The following ICAM3 variants were observed in gnomAD, a reference collection of about 807,000 sequenced individuals.
The protein encoded by ICAM3 is intercellular adhesion molecule 3, also known as ICAM-3.
In ICAM3, 54 loss-of-function variants were observed where a neutral mutation model predicts 43.6. The ratio of observed to expected loss-of-function variants is 1.24; its 90% CI spans 0.99 to 1.55. The LOEUF is 1.55. Among genes scored for constraint, ICAM3 ranks in the 40% most tolerant of loss-of-function variants. ICAM3 has a pLI of 0.00. For synonymous variants in ICAM3, 306 were observed against 312.6 expected, an observed-to-expected ratio of 0.98 and a Z score of 0.22; for missense variants, 715 against 717.9, an observed-to-expected ratio of 1.00 and a Z score of 0.05.
At chr19:10,339,066 A>T (rs751533826) in intron 1 of ICAM3, 118 bp from the exon 2 acceptor site, 3 of 1,105,886 alleles carry the variant, frequency 2.7e-6, no homozygotes, top group Non-Finnish European at 3.9e-6. Context: ...TCCTGCCTTC[A>T]TGGTCCAGTG....
chr19:10,335,477 G>A (rs2040586384), intron 3 of ICAM3, 124 bp from the exon 4 acceptor site: 1 of 1,135,030 alleles, frequency 8.8e-7, no homozygotes, highest in Non-Finnish European at 1.2e-6. Flanking sequence ...CACACACAGG[G>A]CCATGAAAAC....
At chr19:10,336,070 A>T in intron 2 of ICAM3, 94 bp from the exon 3 acceptor site, 1 of 1,172,652 alleles carries the variant, frequency 8.5e-7, no homozygotes, top group Non-Finnish European at 1.2e-6. Context: ...TCCTGCCGAG[A>T]ACTGTGAGCT....
At chr19:10,337,834 C>A (rs1295661252) in intron 2 of ICAM3, among the ~76,000 whole-genome samples, 1 of 152,112 alleles carries the variant, frequency 6.6e-6, no homozygotes, top group East Asian at 1.9e-4. Flanking sequence ...CCCTATATTG[C>A]TCTGCCTGGT....
Position 10,334,068 on chromosome 19 carries a change from A to G in ICAM3, c.1442-9T>C. Reference sequence around the variant, plus strand: ...AAAGTGGGAGCTCCCAGCTGTGCAGAGAAAGCGCTAAGTCAATATGCGTCC... The same window carrying G: ...AAAGTGGGAGCTCCCAGCTGTGCAGGGAAAGCGCTAAGTCAATATGCGTCC... On this transcript the variant is annotated splice_polypyrimidine_tract_variant and intron_variant, in intron 6 of 6. Coordinates refer to ENST00000160262, the MANE Select transcript of ICAM3 (RefSeq NM_002162.5). The surrounding 1 kb of genome is among the most constrained non-coding windows in gnomAD (Gnocchi z 5.5). 1 of 1,613,882 alleles carries G rather than the reference A, an allele frequency of 6.2e-7. No homozygotes were observed. The highest frequency in any genetic ancestry group is 8.5e-7 in the Non-Finnish European group (1 of 1,179,886).
At position 10,337,759 on chromosome 19, in the gene ICAM3, G is replaced by C. The variant is rs148996243; in HGVS notation, c.343+923C>G. Among the ~76,000 whole-genome samples the C allele has an allele frequency of 8.2e-3, 1,241 of 152,248 alleles. 7 individuals are homozygous for C. Among genetic ancestry groups the C allele is most frequent in the Non-Finnish European group, 0.014 (939 of 68,018 alleles). On this transcript the variant is annotated intron_variant, in intron 2 of 6. Transcript: ENST00000160262. ...CCACCTTGGTCCCCCAAGTAGCTGG[G>C]ACTTCAGGCATGTGCCACCATGCCC...
chr19:10,335,375 G>A (rs1210662246), intron 3 of ICAM3, 22 bp from the exon 4 acceptor site: 1 of 1,569,048 alleles, frequency 6.4e-7, no homozygotes, highest in Middle Eastern at 1.8e-4. Flanking sequence ...GGTGGGCATA[G>A]TACAACCCCC....
chr19:10,335,407 C>T (rs1259471655), intron 3 of ICAM3, 54 bp from the exon 4 acceptor site: 1 of 1,449,332 alleles, frequency 6.9e-7, no homozygotes, highest in East Asian at 2.5e-5. Context: ...TTCCCCAGGA[C>T]ACCCTCATCC....
At chr19:10,337,802 T>G (rs1488108622) in intron 2 of ICAM3, among the ~76,000 whole-genome samples, 1 of 152,186 alleles carries the variant, frequency 6.6e-6, no homozygotes, top group African/African-American at 2.4e-5. Context: ...ATTTTTTATT[T>G]ATTTTTGTAG....
In ICAM3 at chr19:10,333,962, G is replaced by A. The variant is rs570625136; in HGVS notation, c.1539C>T (p.His513=). ...TAACATGGTAACTGCCGCTCCGTTG[G>A]TGCTCCCTGAAGACGTACATTAAGG... ...VLALMYVFRE[H]QRSGSYHVRE... The change falls in exon 7 of 7, where the codon CAC becomes CAT. Residue 513 remains histidine, a synonymous_variant. Coordinates refer to ENST00000160262, the MANE Select transcript of ICAM3 (RefSeq NM_002162.5). This position sits in a 1 kb window ranked among gnomAD's most constrained non-coding sequence, Gnocchi z 4.2. The A allele has an allele frequency of 2.5e-6, 4 of 1,614,148 alleles. No homozygotes were observed. The highest frequency in any genetic ancestry group is 3.3e-5 in the Admixed American group (2 of 60,008).
rs1456406552 is a variant in ICAM3 at position 10,339,576 on chromosome 19, G to A, written c.39C>T (p.Ala13=). 4 of 1,614,104 alleles carry A rather than the reference G, an allele frequency of 2.5e-6. No individual in the cohort carries two copies. Among genetic ancestry groups the A allele is most frequent in the Non-Finnish European group, 3.4e-6 (4 of 1,180,010 alleles). Residue 13 remains alanine (A), a synonymous_variant, in exon 1 of 7, where the codon GCC becomes GCT. Transcript: ENST00000160262. ...GACAGCAGACCAGCAGAGTCCAGCA[G>A]GCCCTGGGCCACAACACGGATGGTA... ...TMVPSVLWPR[A]CWTLLVCCLL... is the part of the protein sequence containing the mutation.
Position 10,335,839 on chromosome 19 carries a change from GCTC to G in ICAM3, c.478_480del (p.Glu160del), listed in dbSNP as rs751648915. 2.4e-5 allele frequency: 39 copies of G among 1,611,748 alleles called. 1 individual carries two copies. In the South Asian group the frequency reaches 4.2e-4, roughly 17 times the overall value. On this transcript the variant is annotated inframe_deletion, in exon 3 of 7. Transcript: ENST00000160262. ...TCCTCCACTGCGGGCTGCCGGCTCA[GCTC>G]CTCCTCCCAGCGAAGCAGCACCACC...
Position 10,334,622 on chromosome 19 carries a change from C to G in ICAM3, c.1098G>C (p.Glu366Asp), listed in dbSNP as rs751840717. 6.2e-7 allele frequency: 1 copy of G among 1,613,710 alleles called. No individual in the cohort carries two copies. Among genetic ancestry groups the G allele is most frequent in the Non-Finnish European group, 8.5e-7 (1 of 1,180,028 alleles). Reference sequence around the variant, plus strand: ...AGAAGAAGCTGCGTCCGTCGTCACTCTCGGTAGCATTTAGCTGAAGTTGAG... The same window carrying G: ...AGAAGAAGCTGCGTCCGTCGTCACTGTCGGTAGCATTTAGCTGAAGTTGAG... ...QPAQLQLNAT[E>D]SDDGRSFFCS... The change falls in exon 5 of 7, where the codon GAG becomes GAC. Residue 366 changes from glutamate to aspartate, a missense_variant. Glu to Asp is a conservative substitution (Grantham distance 45, BLOSUM62 2). Transcript: ENST00000160262. The surrounding 1 kb of genome is among the most constrained non-coding windows in gnomAD (Gnocchi z 5.5).
Position 10,333,954 on chromosome 19 carries a change from C to G in ICAM3, c.1547G>C (p.Ser516Thr). The G allele has an allele frequency of 6.2e-7, 1 of 1,614,176 alleles. No individual in the cohort carries two copies. The highest frequency in any genetic ancestry group is 8.5e-7 in the Non-Finnish European group (1 of 1,180,030). The change falls in exon 7 of 7, where the codon AGC becomes ACC. Residue 516 changes from serine (S) to threonine (T), a missense_variant. By Grantham distance (58) the Ser-to-Thr change is moderately conservative. Transcript: ENST00000160262. This position sits in a 1 kb window ranked among gnomAD's most constrained non-coding sequence, Gnocchi z 4.2. Reference sequence around the variant, plus strand: ...CTCCTCCCTAACATGGTAACTGCCGCTCCGTTGGTGCTCCCTGAAGACGTA... The same window carrying G: ...CTCCTCCCTAACATGGTAACTGCCGGTCCGTTGGTGCTCCCTGAAGACGTA... ...LMYVFREHQR[S>T]GSYHVREEST... is the part of the protein sequence containing the mutation.
rs780657511 is a variant in ICAM3, at chr19:10,334,114, G to T, written c.1441+46C>A. On this transcript the variant is annotated intron_variant, in intron 6 of 6. Transcript: ENST00000160262. This position sits in a 1 kb window ranked among gnomAD's most constrained non-coding sequence, Gnocchi z 5.5. ...CGTCCCTTCTGTCTCCAACCCCCCC[G>T]CCCCCCGGCTTACCGGTCCAGACCC... The T allele has an allele frequency of 7.7e-6, 8 of 1,045,280 alleles. No individual in the cohort carries two copies. The highest frequency in any genetic ancestry group is 7.4e-5 in the Admixed American group (4 of 54,258). 64.8% of individuals were successfully genotyped at this position (1,045,280 alleles called of 1,614,324 possible).
intron 2 of ICAM3, among the ~76,000 whole-genome samples, chr19:10,337,979 C>T (rs1721420919): frequency 6.7e-6 from 1 of 150,340 alleles, no homozygotes; most frequent in Admixed American, 6.6e-5. Flanking sequence ...AACACCCCGT[C>T]TCTACTAAAA....
Position 10,335,847 on chromosome 19 carries a change from T to TCCC in ICAM3, c.470_472dup (p.Trp157_Glu158insGly), listed in dbSNP as rs757337828. On this transcript the variant is annotated inframe_insertion, in exon 3 of 7. Coordinates refer to ENST00000160262, the MANE Select transcript of ICAM3 (RefSeq NM_002162.5). ...TGCGGGCTGCCGGCTCAGCTCCTCC[T>TCCC]CCCAGCGAAGCAGCACCACCGTGAG... The TCCC allele has an allele frequency of 1.9e-6, 3 of 1,611,104 alleles. No homozygotes were observed. The East Asian group carries it at 6.7e-5, about 36-fold the overall frequency.
intron 3 of ICAM3, 89 bp downstream of exon 3, chr19:10,335,581 CG>C (rs1337978800): frequency 7.5e-7 from 1 of 1,335,644 alleles, no homozygotes. Context: ...CTGTGAGGTC[CG>C]GGGTACCCCA....
chr19:10,339,104 G>A (rs778933878), intron 1 of ICAM3, 156 bp from the exon 2 acceptor site: 4 of 766,682 alleles, frequency 5.2e-6, no homozygotes. Context: ...CAGAGACCGG[G>A]GAGAACTCAG....
Position 10,334,331 on chromosome 19 carries a change from G to A in ICAM3, c.1270C>T (p.Gln424Ter). ...KDKTRHVLQC[Q>*]ARGNPYPELR... ...TCGGGGTACGGGTTGCCCCTGGCTT[G>A]GCACTGCAGGACGTGTCTCGTTTTA... Residue 424 changes from glutamine (Q) to a stop codon, truncating the protein, a stop_gained, in exon 6 of 7, where the codon CAA becomes TAA. Transcript: ENST00000160262. LOFTEE classifies it high-confidence loss of function. This position sits in a 1 kb window ranked among gnomAD's most constrained non-coding sequence, Gnocchi z 5.5. 2 of 1,614,220 alleles carry A rather than the reference G, an allele frequency of 1.2e-6. No individual in the cohort carries two copies. Among genetic ancestry groups the A allele is most frequent in the Non-Finnish European group, 1.7e-6 (2 of 1,180,050 alleles).
Sources: allele counts gnomAD v4.1 joint callset (sites outside exome capture counted in the v4.1 genomes callset), GRCh38; gene constraint gnomAD v4.1.1; non-coding constraint Gnocchi (gnomAD v3.1); transcripts MANE v1.5; gene names NCBI Gene and HGNC (gene_info 2026-07-23, HGNC 2026-07-21).